Variants in SMC1A observed in about 807,000 individuals in gnomAD.
The protein encoded by SMC1A is structural maintenance of chromosomes protein 1A.
Under a neutral mutation model 94.5 loss-of-function variants are expected in SMC1A, and 4 were observed. The observed-to-expected ratio is 0.04, with a 90% CI of 0.02 to 0.10. The LOEUF is 0.10. Ranked by LOEUF, SMC1A falls within the 10% of genes least tolerant of loss-of-function variation. The probability of loss-of-function intolerance (pLI) is 1.00; values close to 1 mark genes in which losing one functional copy is unlikely to be tolerated. For synonymous variants in SMC1A, 345 were observed against 347.7 expected, an observed-to-expected ratio of 0.99 and a Z score of 0.09; for missense variants, 304 against 989.0, an observed-to-expected ratio of 0.31 and a Z score of 9.29.
rs191172316 is a variant in SMC1A, at chrX:53,376,395, G to T, written c.*3708C>A. On this transcript the variant is annotated 3_prime_UTR_variant, in exon 25 of 25. Transcript: ENST00000322213. The stretch of plus-strand genomic sequence containing the variant: ...TCCAAATCTTCACCCCAGACTTAAT[G>T]AATGTTTTAGGGGCCGGGGCCCAGA... 2 of 111,519 alleles carry T rather than the reference G, an allele frequency of 1.8e-5. No homozygotes were observed. Among genetic ancestry groups the T allele is most frequent in the African/African-American group, 6.5e-5 (2 of 30,644 alleles). The allele number at this position is 111,519 out of a possible 1,213,427, so 9.2% of individuals were successfully genotyped here. A position where few individuals can be genotyped will look rare whatever the true frequency, so the allele number is the denominator to read the frequency against.
At chrX:53,419,040 CAAAAAAAAAAAAA>C (rs34765834) in intron 1 of SMC1A, among the ~76,000 whole-genome samples, 1 of 36,752 alleles carries the variant, frequency 2.7e-5, no homozygotes, top group Non-Finnish European at 4.4e-5. Flanking sequence ...GACTCTGTCT[CAAAAAAAAAAAAA>C]AAAAAAAAAA....
intron 15 of SMC1A, among the ~76,000 whole-genome samples, chrX:53,401,713 A>G (rs1488736656): frequency 7.2e-5 from 8 of 110,581 alleles, no homozygotes; most frequent in Middle Eastern, 4.8e-3. Context: ...TAGGTTTTAT[A>G]TATGTGTATA....
At chrX:53,400,182 G>A (rs782034981) in intron 15 of SMC1A, among the ~76,000 whole-genome samples, 1 of 111,656 alleles carries the variant, frequency 9.0e-6, no homozygotes, top group East Asian at 2.8e-4. Flanking sequence ...GAAAACTTAG[G>A]CCAAGAGGTA....
chrX:53,418,930 A>C (rs1457411288), intron 1 of SMC1A, among the ~76,000 whole-genome samples: 1 of 106,355 alleles, frequency 9.4e-6, no homozygotes, highest in African/African-American at 3.4e-5. Flanking sequence ...AATCCCAGCT[A>C]CTCGGGAGGC....
chrX:53,411,615 C>G (rs984127958), intron 7 of SMC1A, 146 bp downstream of exon 7: 1 of 673,176 alleles, frequency 1.5e-6, no homozygotes, highest in Non-Finnish European at 2.3e-6. Flanking sequence ...AAAAAAAAGA[C>G]TATCATTACA....
chrX:53,418,051 A>G (rs1193030428), intron 1 of SMC1A, among the ~76,000 whole-genome samples: 1 of 112,816 alleles, frequency 8.9e-6, no homozygotes, highest in African/African-American at 3.2e-5. Context: ...TACATGTACC[A>G]GCTATTCAAA....
chrX:53,399,070 T>G (rs987961886), intron 16 of SMC1A, among the ~76,000 whole-genome samples: 1 of 110,826 alleles, frequency 9.0e-6, no homozygotes, highest in Non-Finnish European at 1.9e-5. Context: ...AAACCCCGTC[T>G]CTACTAAAAA....
chrX:53,389,855 T>A (rs1416431765), intron 19 of SMC1A, among the ~76,000 whole-genome samples: 1 of 90,474 alleles, frequency 1.1e-5, no homozygotes, highest in Non-Finnish European at 2.2e-5. Flanking sequence ...TTTTTTTTTT[T>A]TTTTTTTTTT....
Position 53,376,410 on chromosome X carries a change from C to T in SMC1A, c.*3693G>A, listed in dbSNP as rs183780691. On this transcript the variant is annotated 3_prime_UTR_variant, in exon 25 of 25. Coordinates refer to ENST00000322213, the MANE Select transcript of SMC1A (RefSeq NM_006306.4). The stretch of plus-strand genomic sequence containing the variant: ...CAGACTTAATGAATGTTTTAGGGGC[C>T]GGGGCCCAGAATGCCGTACCTGTTT... 6 of 111,400 alleles carry T rather than the reference C, an allele frequency of 5.4e-5. No individual in the cohort carries two copies. The highest frequency in any genetic ancestry group is 1.3e-4 in the African/African-American group (4 of 30,659). The allele number at this position is 111,400 out of a possible 1,213,427, so 9.2% of individuals were successfully genotyped here.
chrX:53,405,750 C>T, intron 10 of SMC1A, 21 bp downstream of exon 10: 1 of 1,209,319 alleles, frequency 8.3e-7, no homozygotes, highest in African/African-American at 1.7e-5. Context: ...CTGGCCTGAC[C>T]CAATCCCCAA....
At position 53,377,815 on chromosome X, in the gene SMC1A, G is replaced by C. The variant is rs1365236849; in HGVS notation, c.*2288C>G. ...CTCCTTTTACAGATGTGGAAACTTA[G>C]GCTCAGAGGTGAAGTAACTTGCACA... On this transcript the variant is annotated 3_prime_UTR_variant, in exon 25 of 25. Transcript: ENST00000322213. The C allele has an allele frequency of 8.9e-6, 1 of 111,883 alleles. No individual in the cohort carries two copies. The highest frequency in any genetic ancestry group is 2.8e-4 in the East Asian group (1 of 3,569). The allele number at this position is 111,883 out of a possible 1,213,427, so 9.2% of individuals were successfully genotyped here.
At chrX:53,414,513 C>T (rs2075724872) in intron 3 of SMC1A, among the ~76,000 whole-genome samples, 1 of 111,506 alleles carries the variant, frequency 9.0e-6, no homozygotes, top group Non-Finnish European at 1.9e-5. Flanking sequence ...TTAAGAACCA[C>T]CATTGTAAGG....
rs1556885770 is a variant in SMC1A, at chrX:53,380,708, T to C, written c.3530A>G (p.Gln1177Arg). The C allele has an allele frequency of 8.3e-7, 1 of 1,208,279 alleles. No individual in the cohort carries two copies. The highest frequency in any genetic ancestry group is 2.2e-5 in the Admixed American group (1 of 46,021). ...IGKVANYIKEQSTCNFQAIVI... is the reference protein window; with the variant it reads ...IGKVANYIKERSTCNFQAIVI... ...GATGGCCTGGAAGTTGCAAGTCGAC[T>C]GCTCCTTGATGTAATTTGCCACCTG... Residue 1177 changes from glutamine to arginine, a missense_variant, in exon 24 of 25, where the codon CAG becomes CGG. Gln to Arg is a conservative substitution (Grantham distance 43, BLOSUM62 1). Transcript: ENST00000322213.
In SMC1A at chrX:53,379,784, C is replaced by A. The variant is rs1414547049; in HGVS notation, c.*319G>T. ...ACATACATACACACATACATACCCA[C>A]ACACACAGTGGGCAAGAGGCCCAAG... On this transcript the variant is annotated 3_prime_UTR_variant, in exon 25 of 25. Coordinates refer to ENST00000322213, the MANE Select transcript of SMC1A (RefSeq NM_006306.4). 2.6e-6 allele frequency: 1 copy of A among 378,674 alleles called. No individual in the cohort carries two copies. Among genetic ancestry groups the A allele is most frequent in the African/African-American group, 2.5e-5 (1 of 39,559 alleles). The allele number at this position is 378,674 out of a possible 1,213,427, so 31.2% of individuals were successfully genotyped here.
chrX:53,394,735 A>ACC, intron 19 of SMC1A, 43 bp downstream of exon 19: 2 of 267,626 alleles, frequency 7.5e-6, no homozygotes, highest in Admixed American at 4.6e-5. Context: ...TCCCACTCCC[A>ACC]CCCAACCCCC....
chrX:53,387,284 TGCGCCTG>T (rs1345833279), intron 19 of SMC1A, among the ~76,000 whole-genome samples: 1 of 112,195 alleles, frequency 8.9e-6, no homozygotes, highest in African/African-American at 3.2e-5. Context: ...CGTGAGCCAC[TGCGCCTG>T]GCCCTTTTAC....
chrX:53,395,033 A>G lies in SMC1A; in HGVS notation c.2863-145T>C, dbSNP rs1453028732. 2.6e-5 allele frequency: 13 copies of G among 499,367 alleles called. No individual in the cohort carries two copies. The East Asian group carries it at 4.8e-4, about 18-fold the overall frequency. The allele number at this position is 499,367 out of a possible 1,213,427, so 41.2% of individuals were successfully genotyped here. A position where few individuals can be genotyped will look rare whatever the true frequency, so the allele number is the denominator to read the frequency against. Reference sequence around the variant, plus strand: ...AAGGAACAGAGGCTTTGCAGGCAGAATGACTCAAGTTCAAAATTGAGCTCT... The same window carrying G: ...AAGGAACAGAGGCTTTGCAGGCAGAGTGACTCAAGTTCAAAATTGAGCTCT... On this transcript the variant is annotated intron_variant, in intron 18 of 24. Coordinates refer to ENST00000322213, the MANE Select transcript of SMC1A (RefSeq NM_006306.4).
At chrX:53,393,317 T>C (rs1339157352) in intron 19 of SMC1A, among the ~76,000 whole-genome samples, 1 of 108,561 alleles carries the variant, frequency 9.2e-6, no homozygotes, top group African/African-American at 3.4e-5. Context: ...CATAGATAAA[T>C]ACGAAGGAAA....
chrX:53,410,204 T>G (rs2075705728), intron 7 of SMC1A, among the ~76,000 whole-genome samples: 1 of 111,480 alleles, frequency 9.0e-6, no homozygotes, highest in African/African-American at 3.3e-5. Context: ...ACTTAATAGT[T>G]ATGTGAGTGG....
Sources: allele counts gnomAD v4.1 joint callset (sites outside exome capture counted in the v4.1 genomes callset), GRCh38; gene constraint gnomAD v4.1.1; transcripts MANE v1.5; gene names NCBI Gene and HGNC (gene_info 2026-07-23, HGNC 2026-07-21).